Variants in LONP2 observed in about 807,000 individuals in gnomAD.
The protein encoded by LONP2 is lon protease homolog 2, peroxisomal.
LONP2 carries 60 observed loss-of-function variants against 85.6 expected under a neutral mutation model. That is an observed-to-expected ratio of 0.70 (90% confidence interval 0.57 to 0.87). LONP2 has a LOEUF of 0.87. LONP2 is among the 40% of genes least tolerant of loss of function. The probability of loss-of-function intolerance (pLI) is 0.00; values close to 1 mark genes in which losing one functional copy is unlikely to be tolerated. For missense variants in LONP2, 860 were observed against 1,063.5 expected (o/e 0.81, Z 2.66); for synonymous variants, 395 against 389.7 (o/e 1.01, Z -0.16).
In LONP2 at chr16:48,353,946, G is replaced by A. The variant is rs1364952496; in HGVS notation, c.*2144G>A. The A allele has an allele frequency of 6.6e-6, 1 of 151,444 alleles. No individual in the cohort carries two copies. Among genetic ancestry groups the A allele is most frequent in the East Asian group, 1.9e-4 (1 of 5,152 alleles). 9.4% of individuals were successfully genotyped at this position (151,444 alleles called of 1,614,324 possible). A position where few individuals can be genotyped will look rare whatever the true frequency, so the allele number is the denominator to read the frequency against. ...GAATAATGCATTCTCCCCTTGCTGTGTATGACATGGAACAGTATGACCATT... is the reference window on the plus strand; with the variant it reads ...GAATAATGCATTCTCCCCTTGCTGTATATGACATGGAACAGTATGACCATT... On this transcript the variant is annotated 3_prime_UTR_variant, in exon 15 of 15. Coordinates refer to ENST00000285737, the MANE Select transcript of LONP2 (RefSeq NM_031490.5).
chr16:48,264,867 A>G (rs1343429761), intron 6 of LONP2, among the ~76,000 whole-genome samples: 1 of 152,208 alleles, frequency 6.6e-6, no homozygotes, highest in Admixed American at 6.5e-5. Flanking sequence ...ACTTCCCGCA[A>G]CACGCTGTAC....
At chr16:48,334,602 G>A in intron 12 of LONP2, 1 of 648,712 alleles carries the variant, frequency 1.5e-6, no homozygotes, top group African/African-American at 1.8e-5. Context: ...TTCTGGGCAA[G>A]GTGGCAGAGG....
chr16:48,319,880 T>G (rs1235895886), intron 11 of LONP2, among the ~76,000 whole-genome samples: 2 of 151,384 alleles, frequency 1.3e-5, no homozygotes, highest in East Asian at 3.9e-4. Flanking sequence ...AAGAATTTTT[T>G]GGCCAGGCGT....
At chr16:48,298,670 T>TGTGTGTGTGTGTGTGTG (rs1567329388) in intron 9 of LONP2, among the ~76,000 whole-genome samples, 1 of 149,838 alleles carries the variant, frequency 6.7e-6, no homozygotes. Flanking sequence ...TGTGTGTGTG[T>TGTGTGTGTGTGTGTGTG]TTCAAGTATA....
At chr16:48,334,999 C>G in intron 12 of LONP2, 1 of 294,580 alleles carries the variant, frequency 3.4e-6, no homozygotes, top group Non-Finnish European at 6.6e-6. Context: ...AACTTTATTT[C>G]TATATGGTAT....
chr16:48,258,707 A>C lies in LONP2; in HGVS notation c.690A>C (p.Lys230Asn). 6.2e-7 allele frequency: 1 copy of C among 1,612,554 alleles called. No individual in the cohort carries two copies. Among genetic ancestry groups the C allele is most frequent in the Non-Finnish European group, 8.5e-7 (1 of 1,179,456 alleles). Reference sequence around the variant, plus strand: ...TTGAAGGCCTGAAATTGCTTCAAAAAACCAGAAAACCCAAGCAAGATGATG... The same window carrying C: ...TTGAAGGCCTGAAATTGCTTCAAAACACCAGAAAACCCAAGCAAGATGATG... Reference protein sequence around the residue: ...RQIEGLKLLQKTRKPKQDDDK... With the variant: ...RQIEGLKLLQNTRKPKQDDDK... Residue 230 changes from lysine (K) to asparagine (N), a missense_variant, in exon 4 of 15, where the codon AAA becomes AAC. Physicochemically the swap from Lys to Asn is moderately conservative, Grantham distance 94. Around this residue, in one of 3 missense-constraint regions of LONP2, gnomAD observed 743 missense variants for 917.3 expected, o/e 0.81. Transcript: ENST00000285737.
intron 11 of LONP2, among the ~76,000 whole-genome samples, chr16:48,321,011 G>A (rs1463548285): frequency 2.0e-5 from 3 of 152,108 alleles, no homozygotes; most frequent in Non-Finnish European, 4.4e-5. Flanking sequence ...TCAACTTGCT[G>A]CAACCTCCAC....
chr16:48,346,478 T>G (rs771547588), intron 12 of LONP2, among the ~76,000 whole-genome samples: 2 of 152,294 alleles, frequency 1.3e-5, no homozygotes, highest in Non-Finnish European at 2.9e-5. Flanking sequence ...GGCAGTACAG[T>G]GGACCTCTCT....
At chr16:48,288,577 G>A (rs754285143) in intron 8 of LONP2, among the ~76,000 whole-genome samples, 6 of 152,132 alleles carry the variant, frequency 3.9e-5, no homozygotes, top group Non-Finnish European at 8.8e-5. Context: ...AGACCAAGGT[G>A]TTTATAGGTT....
intron 11 of LONP2, among the ~76,000 whole-genome samples, chr16:48,305,717 A>G (rs1334907913): frequency 6.6e-6 from 1 of 151,986 alleles, no homozygotes; most frequent in African/African-American, 2.4e-5. Flanking sequence ...TAGCCCCACA[A>G]ATGTTGAGGT....
intron 1 of LONP2, among the ~76,000 whole-genome samples, chr16:48,246,117 C>T (rs1971369820): frequency 6.6e-6 from 1 of 152,004 alleles, no homozygotes; most frequent in African/African-American, 2.4e-5. Context: ...CTCCCCCCAC[C>T]CCCGTTAAAA....
chr16:48,258,684 G>T lies in LONP2; in HGVS notation c.667G>T (p.Glu223Ter). Residue 223 changes from glutamate to a stop codon, truncating the protein, a stop_gained, in exon 4 of 15, where the codon GAA becomes TAA. Coordinates refer to ENST00000285737, the MANE Select transcript of LONP2 (RefSeq NM_031490.5). LOFTEE classifies it high-confidence loss of function. ...MTIPLLVRQIEGLKLLQKTRK... is the reference protein window; with the variant it reads ...MTIPLLVRQI ...TATACCACTGCTTGTCAGACAAATT[G>T]AAGGCCTGAAATTGCTTCAAAAAAC... is the stretch of plus-strand genomic sequence containing the variant. The T allele has an allele frequency of 6.2e-7, 1 of 1,612,012 alleles. No homozygotes were observed.
At chr16:48,327,343 T>C (rs1452886816) in intron 11 of LONP2, among the ~76,000 whole-genome samples, 1 of 152,238 alleles carries the variant, frequency 6.6e-6, no homozygotes, top group African/African-American at 2.4e-5. Flanking sequence ...TTTATTTCTT[T>C]TAAGTGGGAA....
At chr16:48,323,865 C>T (rs1973316405) in intron 11 of LONP2, among the ~76,000 whole-genome samples, 2 of 152,082 alleles carry the variant, frequency 1.3e-5, no homozygotes, top group Admixed American at 1.3e-4. Context: ...GAAGGTTCTT[C>T]TGGGCATTTG....
chr16:48,253,409 G>T (rs1386432312), intron 2 of LONP2, among the ~76,000 whole-genome samples: 1 of 151,910 alleles, frequency 6.6e-6, no homozygotes, highest in Non-Finnish European at 1.5e-5. Flanking sequence ...GGTGGAAGTT[G>T]CAGTGAGCCA....
chr16:48,305,557 ATTTTTAT>A (rs1463097766), intron 11 of LONP2, among the ~76,000 whole-genome samples: 1 of 151,908 alleles, frequency 6.6e-6, no homozygotes, highest in Non-Finnish European at 1.5e-5. Flanking sequence ...GCCTGGCTTT[ATTTTTAT>A]TTTTTATTTT....
At chr16:48,295,179 C>G (rs950749266) in intron 8 of LONP2, among the ~76,000 whole-genome samples, 1 of 152,176 alleles carries the variant, frequency 6.6e-6, no homozygotes, top group African/African-American at 2.4e-5. Flanking sequence ...TGAGACCAGC[C>G]TGGCCAACAT....
At position 48,362,603 on chromosome 16, in the gene LONP2, G is replaced by A; in HGVS notation, c.*740G>A. 3.0e-6 allele frequency: 2 copies of A among 655,932 alleles called. No homozygotes were observed. Among genetic ancestry groups the A allele is most frequent in the Non-Finnish European group, 2.6e-6 (1 of 382,784 alleles). 40.6% of individuals were successfully genotyped at this position (655,932 alleles called of 1,614,324 possible). A position where few individuals can be genotyped will look rare whatever the true frequency, so the allele number is the denominator to read the frequency against. Reference sequence around the variant, plus strand: ...TTAAAAAAATAAAATTACACTGAATGTGCACTTTATTAGGATCTGTACACT... The same window carrying A: ...TTAAAAAAATAAAATTACACTGAATATGCACTTTATTAGGATCTGTACACT... On this transcript the variant is annotated 3_prime_UTR_variant, in exon 5 of 5. Transcript: ENST00000565867. The surrounding 1 kb of genome is among the most constrained non-coding windows in gnomAD (Gnocchi z 4.2).
At position 48,244,314 on chromosome 16, in the gene LONP2, G is replaced by T. The variant is rs540965075; in HGVS notation, c.-75G>T. 4.1e-5 allele frequency: 47 copies of T among 1,151,446 alleles called. No homozygotes were observed. The highest frequency in any genetic ancestry group is 4.0e-5 in the Non-Finnish European group (34 of 851,148). 71.3% of individuals were successfully genotyped at this position (1,151,446 alleles called of 1,614,324 possible). ...GGCGTGGAGGCGGGTCTGAGGTTTG[G>T]TGACTGCGGGGCAGGCCGGGGGCAG... On this transcript the variant is annotated 5_prime_UTR_variant, in exon 1 of 15. Coordinates refer to ENST00000285737, the MANE Select transcript of LONP2 (RefSeq NM_031490.5).
Sources: gnomAD v4.1 joint callset for allele counts (sites outside exome capture counted in the v4.1 genomes callset) on GRCh38, gnomAD v4.1.1 for gene constraint, gnomAD v4.1.1 regional missense constraint, Gnocchi (gnomAD v3.1) non-coding constraint, MANE v1.5 for transcripts, NCBI Gene and HGNC (gene_info 2026-07-23, HGNC 2026-07-21) for gene names.